The following KDM7A variants were observed in gnomAD, a reference collection of about 807,000 sequenced individuals.
KDM7A encodes the protein lysine-specific demethylase 7A.
Under a neutral mutation model 114.8 loss-of-function variants are expected in KDM7A, and 28 were observed. The observed-to-expected ratio is 0.24, with a 90% confidence interval of 0.18 to 0.33. The LOEUF (loss-of-function observed/expected upper bound fraction) is 0.33. Among genes scored for constraint, KDM7A ranks in the 10% least tolerant of loss-of-function variants. The pLI, the probability that KDM7A is intolerant of heterozygous loss-of-function variation, is 1.00. For synonymous variants in KDM7A, 423 were observed against 397.8 expected (o/e 1.06, Z -0.75); for missense variants, 942 against 1,142.5 (o/e 0.82, Z 2.53).
At chr7:140,127,377 T>A in intron 5 of KDM7A, 65 bp downstream of exon 5, 1 of 1,343,352 alleles carries the variant, frequency 7.4e-7, no homozygotes, top group Non-Finnish European at 1.0e-6. Context: ...CTAAAATAAA[T>A]ACATCATTAC....
Position 140,119,127 on chromosome 7 carries a change from A to G in KDM7A, c.1232T>C (p.Leu411Pro). The G allele has an allele frequency of 6.3e-7, 1 of 1,599,294 alleles. No individual in the cohort carries two copies. Among genetic ancestry groups the G allele is most frequent in the Non-Finnish European group, 8.6e-7 (1 of 1,168,716 alleles). ...TTATTAATTACCTTTCAGGGTTTCC[A>G]GCAAGTTTTTGGCTACAAACCAACA... The part of the protein sequence containing the change: ...AICWFVAKNL[L>P]ETLKELREDG... Residue 411 changes from leucine to proline, a missense_variant, in exon 9 of 20, where the codon CTG (leucine) becomes CCG (proline). By Grantham distance (98) the Leu-to-Pro change is moderately conservative. This residue lies in a region of KDM7A where 318 missense variants were observed against 453.1 expected (regional missense o/e 0.70). Coordinates refer to ENST00000397560, the MANE Select transcript of KDM7A (RefSeq NM_030647.2).
chr7:140,114,544 T>C (rs1818485717), intron 9 of KDM7A, among the ~76,000 whole-genome samples: 1 of 152,200 alleles, frequency 6.6e-6, no homozygotes, highest in African/African-American at 2.4e-5. Flanking sequence ...GCCGCCTGCC[T>C]TGGCCTCCCA....
At chr7:140,101,552 T>G (rs1480117124) in intron 12 of KDM7A, among the ~76,000 whole-genome samples, 7 of 152,004 alleles carry the variant, frequency 4.6e-5, no homozygotes, top group Non-Finnish European at 1.0e-4. Context: ...TTGTTTTGGG[T>G]TTTTTTTAAA....
intron 2 of KDM7A, among the ~76,000 whole-genome samples, chr7:140,135,018 G>A (rs1483863660): frequency 7.0e-6 from 1 of 143,030 alleles, no homozygotes; most frequent in Non-Finnish European, 1.5e-5. Flanking sequence ...TCTTCAATAT[G>A]GAAGAGCGTA....
At chr7:140,128,659 A>C (rs1053237418) in intron 4 of KDM7A, among the ~76,000 whole-genome samples, 6 of 152,368 alleles carry the variant, frequency 3.9e-5, no homozygotes, top group Admixed American at 2.0e-4. Context: ...AGATTTCCTC[A>C]GTGAAACAAT....
chr7:140,111,461 C>G (rs1436413092), intron 10 of KDM7A, among the ~76,000 whole-genome samples: 1 of 152,110 alleles, frequency 6.6e-6, no homozygotes, highest in African/African-American at 2.4e-5. Context: ...CTCCTCAAAG[C>G]CTACTGTAAT....
intron 3 of KDM7A, among the ~76,000 whole-genome samples, chr7:140,132,295 T>C (rs575695975): frequency 1.3e-5 from 2 of 152,328 alleles, no homozygotes; most frequent in African/African-American, 4.8e-5. Context: ...TGATCATCTC[T>C]ATAACCCGTT....
At chr7:140,101,823 G>A (rs1040641239) in intron 12 of KDM7A, 128 bp downstream of exon 12, 62 of 671,728 alleles carry the variant, frequency 9.2e-5, no homozygotes, top group Admixed American at 2.6e-5. Context: ...ATAACTACTG[G>A]TTGATCCCTA....
intron 1 of KDM7A, among the ~76,000 whole-genome samples, chr7:140,164,036 A>G (rs80273082): frequency 0.01 from 1,587 of 152,312 alleles, 22 homozygotes; most frequent in African/African-American, 0.037. Context: ...AGAAACAACC[A>G]GACATTTTAT....
chr7:140,140,233 T>TA (rs1351165436), intron 1 of KDM7A, among the ~76,000 whole-genome samples: 1 of 152,186 alleles, frequency 6.6e-6, no homozygotes, highest in Non-Finnish European at 1.5e-5. Context: ...ATCCCAGGAA[T>TA]ACAAGGTGGT....
chr7:140,157,600 G>A (rs1794471596), intron 1 of KDM7A, among the ~76,000 whole-genome samples: 1 of 152,140 alleles, frequency 6.6e-6, no homozygotes, highest in Non-Finnish European at 1.5e-5. Flanking sequence ...GCTGCAGTGA[G>A]CTGTGATCAT....
chr7:140,160,904 G>C (rs757684), intron 1 of KDM7A, among the ~76,000 whole-genome samples: 14 of 151,886 alleles, frequency 9.2e-5, no homozygotes, highest in African/African-American at 3.4e-4. Flanking sequence ...CCAAACAGAA[G>C]GGACTGCGTT....
chr7:140,165,338 C>T (rs1794562446), intron 1 of KDM7A, among the ~76,000 whole-genome samples: 1 of 152,192 alleles, frequency 6.6e-6, no homozygotes, highest in South Asian at 2.1e-4. Flanking sequence ...TACAAAGCAT[C>T]CTTAAGATAC....
intron 3 of KDM7A, among the ~76,000 whole-genome samples, chr7:140,131,200 C>A (rs1818780903): frequency 6.6e-6 from 1 of 152,000 alleles, no homozygotes; most frequent in South Asian, 2.1e-4. Context: ...TAACTTTAAG[C>A]CAAGAATGGT....
chr7:140,159,419 T>C (rs1224438188), intron 1 of KDM7A, among the ~76,000 whole-genome samples: 2 of 151,414 alleles, frequency 1.3e-5, no homozygotes, highest in African/African-American at 4.9e-5. Flanking sequence ...CAAAAAAAAA[T>C]GGTGAGGTAG....
In KDM7A at chr7:140,085,922, C is replaced by T. The variant is rs1817917649; in HGVS notation, c.*5172G>A. On this transcript the variant is annotated 3_prime_UTR_variant, in exon 20 of 20. Coordinates refer to ENST00000397560, the MANE Select transcript of KDM7A (RefSeq NM_030647.2). Reference sequence around the variant, plus strand: ...CTGGTAAGTTTTACCAACCAAAATACACCAAAGAAATATGAGAGTATGTCT... The same window carrying T: ...CTGGTAAGTTTTACCAACCAAAATATACCAAAGAAATATGAGAGTATGTCT... 1 of 152,138 alleles carries T rather than the reference C, an allele frequency of 6.6e-6. No individual in the cohort carries two copies. Among genetic ancestry groups the T allele is most frequent in the Non-Finnish European group, 1.5e-5 (1 of 68,040 alleles). The allele number at this position is 152,138 out of a possible 1,614,324, so 9.4% of individuals were successfully genotyped here.
At position 140,091,823 on chromosome 7, in the gene KDM7A, G is replaced by T; in HGVS notation, c.2712C>A (p.Ile904=). 1 of 1,611,648 alleles carries T rather than the reference G, an allele frequency of 6.2e-7. No homozygotes were observed. The highest frequency in any genetic ancestry group is 8.5e-7 in the Non-Finnish European group (1 of 1,179,406). The part of the protein sequence containing the change: ...TKRPASNPPP[I]SNQATKGKRP... ...AGTTACCTTTTGTTGCCTGGTTGCT[G>T]ATAGGTGGTGGATTTGATGCCGGTC... Residue 904 remains isoleucine, a synonymous_variant, in exon 19 of 20, where the codon ATC becomes ATA. Transcript: ENST00000397560.
At chr7:140,125,539 A>T (rs189518070) in intron 6 of KDM7A, among the ~76,000 whole-genome samples, 2 of 152,330 alleles carry the variant, frequency 1.3e-5, no homozygotes, top group Admixed American at 6.5e-5. Flanking sequence ...AGATAAAGCA[A>T]GGTGAATATA....
At chr7:140,155,298 G>A (rs1011750244) in intron 1 of KDM7A, among the ~76,000 whole-genome samples, 3 of 152,120 alleles carry the variant, frequency 2.0e-5, no homozygotes, top group Non-Finnish European at 2.9e-5. Flanking sequence ...CTCTAAGCCA[G>A]CCATATGATT....
Sources: gnomAD v4.1 joint callset for allele counts (sites outside exome capture counted in the v4.1 genomes callset) on GRCh38, gnomAD v4.1.1 for gene constraint, gnomAD v4.1.1 regional missense constraint, MANE v1.5 for transcripts, NCBI Gene and HGNC (gene_info 2026-07-23, HGNC 2026-07-21) for gene names.